The following SORCS3 variants were observed in gnomAD, a reference collection of about 807,000 sequenced individuals.
SORCS3 encodes the protein sortilin related VPS10 domain containing receptor 3.
Under a neutral mutation model 146.3 loss-of-function variants are expected in SORCS3, and 57 were observed. The ratio of observed to expected loss-of-function variants is 0.39; its 90% CI spans 0.31 to 0.49. The LOEUF is 0.49. SORCS3 is among the 20% of genes least tolerant of loss of function. The pLI, the probability that SORCS3 is intolerant of heterozygous loss-of-function variation, is 0.92. For missense variants in SORCS3, 1,341 were observed against 1,575.5 expected, an observed-to-expected ratio of 0.85 and a Z score of 2.52; for synonymous variants, 653 against 618.5, an observed-to-expected ratio of 1.06 and a Z score of -0.83.
chr10:105,115,912 G>A (rs186623636), intron 7 of SORCS3, among the ~76,000 whole-genome samples: 3 of 152,252 alleles, frequency 2.0e-5, no homozygotes, highest in East Asian at 3.9e-4. Context: ...TTTACAACAC[G>A]GGAGTTTAAA....
intron 13 of SORCS3, among the ~76,000 whole-genome samples, chr10:105,169,605 G>T (rs1395538739): frequency 6.6e-6 from 1 of 152,094 alleles, no homozygotes; most frequent in East Asian, 1.9e-4. Flanking sequence ...CTATTTGATT[G>T]AGACCAAAAA....
intron 8 of SORCS3, 47 bp downstream of exon 8, chr10:105,139,533 AG>A (rs1410073236): frequency 1.4e-6 from 2 of 1,428,568 alleles, no homozygotes; most frequent in Non-Finnish European, 2.0e-6. Flanking sequence ...AGGCAAAGGG[AG>A]GGTTGGAGAG....
chr10:105,214,385 CA>C, intron 17 of SORCS3, 56 bp from the exon 18 acceptor site: 2 of 1,588,468 alleles, frequency 1.3e-6, no homozygotes, highest in Non-Finnish European at 1.7e-6. Context: ...CACACACATA[CA>C]ACAGCAACAA....
Position 105,089,758 on chromosome 10 carries a change from C to G in SORCS3, c.1029-17C>G, listed in dbSNP as rs2055688524. 1 of 1,612,664 alleles carries G rather than the reference C, an allele frequency of 6.2e-7. No homozygotes were observed. The highest frequency in any genetic ancestry group is 8.5e-7 in the Non-Finnish European group (1 of 1,178,922). On this transcript the variant is annotated splice_polypyrimidine_tract_variant and intron_variant, in intron 5 of 26. Coordinates refer to ENST00000369701, the MANE Select transcript of SORCS3 (RefSeq NM_014978.3). ...CGGTGTTGTCACTGAGCTTCTGTCT[C>G]TCCCTTCCTTTCCCAGGTCGGTGGC...
At chr10:105,103,965 A>C (rs1399417753) in intron 6 of SORCS3, among the ~76,000 whole-genome samples, 1 of 152,216 alleles carries the variant, frequency 6.6e-6, no homozygotes, top group Non-Finnish European at 1.5e-5. Flanking sequence ...CTAGTACCCA[A>C]ACAATACCCA....
chr10:105,262,442 T>C lies in SORCS3; in HGVS notation c.3555T>C (p.Phe1185=). Residue 1185 remains phenylalanine (F), a synonymous_variant, in exon 26 of 27, where the codon TTT becomes TTC. Transcript: ENST00000369701. ...CCCCCAAAATCACACTCAGTGACTT[T>C]ACGGAGCCTGAGGAGCTGCTGGACA... The part of the protein sequence containing the change: ...ENAPKITLSD[F]TEPEELLDKE... The C allele has an allele frequency of 1.2e-6, 2 of 1,614,026 alleles. No homozygotes were observed. The highest frequency in any genetic ancestry group is 1.3e-5 in the African/African-American group (1 of 75,050).
chr10:105,061,313 G>C (rs1301733379), intron 5 of SORCS3, among the ~76,000 whole-genome samples: 7 of 99,838 alleles, frequency 7.0e-5, no homozygotes, highest in Non-Finnish European at 8.0e-5. Context: ...TTTTTTTTTT[G>C]AGGTGGAGTC....
intron 4 of SORCS3, among the ~76,000 whole-genome samples, chr10:104,994,099 A>C (rs2133665616): frequency 6.6e-6 from 1 of 152,348 alleles, no homozygotes; most frequent in East Asian, 1.9e-4. Context: ...CAAATGAAGT[A>C]CATGATACTC....
chr10:105,017,596 T>G (rs1224416345), intron 4 of SORCS3, among the ~76,000 whole-genome samples: 1 of 152,142 alleles, frequency 6.6e-6, no homozygotes, highest in Admixed American at 6.6e-5. Context: ...AAATAGAATA[T>G]GGAGATAGAG....
intron 1 of SORCS3, among the ~76,000 whole-genome samples, chr10:104,787,835 T>C (rs539623830): frequency 7.2e-5 from 11 of 152,302 alleles, no homozygotes; most frequent in Admixed American, 5.9e-4. Flanking sequence ...GAAATTACAA[T>C]TGTAACCAGG....
chr10:104,911,821 C>G (rs2018971896), intron 2 of SORCS3, among the ~76,000 whole-genome samples: 1 of 152,130 alleles, frequency 6.6e-6, no homozygotes, highest in Non-Finnish European at 1.5e-5. Context: ...AATTTTTTAA[C>G]AAGAATCCTT....
chr10:105,214,470 A>G lies in SORCS3; in HGVS notation c.2404A>G (p.Thr802Ala). ...TCGGCGGATTGTGTCCAACAACTGC[A>G]CAGATGGGCTAAGGGAGAAGTACAC... ...GYRRIVSNNC[T>A]DGLREKYTAK... Residue 802 changes from threonine to alanine, a missense_variant, in exon 18 of 27, where the codon ACA (threonine) becomes GCA (alanine). Coordinates refer to ENST00000369701, the MANE Select transcript of SORCS3 (RefSeq NM_014978.3). The G allele has an allele frequency of 6.2e-7, 1 of 1,614,212 alleles. No individual in the cohort carries two copies.
chr10:104,726,693 T>C (rs1253551289), intron 1 of SORCS3, among the ~76,000 whole-genome samples: 1 of 152,080 alleles, frequency 6.6e-6, no homozygotes, highest in African/African-American at 2.4e-5. Flanking sequence ...CTCTCTGTTG[T>C]CACTGGGACT....
chr10:105,129,662 T>TACACACACACACACAC (rs71022754), intron 7 of SORCS3, among the ~76,000 whole-genome samples: 2 of 147,918 alleles, frequency 1.4e-5, no homozygotes, highest in South Asian at 4.4e-4. Context: ...CCCACTCAAA[T>TACACACACACACACAC]ACACACACAC....
intron 3 of SORCS3, among the ~76,000 whole-genome samples, chr10:104,917,723 C>CGTGAGATCA (rs1328310578): frequency 6.6e-6 from 1 of 152,120 alleles, no homozygotes; most frequent in Non-Finnish European, 1.5e-5. Context: ...TCCACATATG[C>CGTGAGATCA]GTGAGATCAA....
intron 1 of SORCS3, chr10:104,822,087 G>A (rs748037097): frequency 3.5e-5 from 18 of 518,246 alleles, no homozygotes; most frequent in African/African-American, 5.8e-5. Flanking sequence ...TAGTCCTGGA[G>A]TCTGACCAGC....
At chr10:105,258,641 T>C (rs1172133392) in intron 25 of SORCS3, among the ~76,000 whole-genome samples, 1 of 152,208 alleles carries the variant, frequency 6.6e-6, no homozygotes, top group East Asian at 1.9e-4. Flanking sequence ...TTTTTTTGTT[T>C]TGTTTTCTTT....
At chr10:104,662,856 A>T (rs147442148) in intron 1 of SORCS3, among the ~76,000 whole-genome samples, 51 of 152,322 alleles carry the variant, frequency 3.3e-4, no homozygotes, top group African/African-American at 1.2e-3. Context: ...TGTTATTTTT[A>T]TAGGCACTGG....
In SORCS3 at chr10:105,263,299, C is replaced by T; in HGVS notation, c.3605-11C>T. 3 of 1,613,814 alleles carry T rather than the reference C, an allele frequency of 1.9e-6. No homozygotes were observed. The highest frequency in any genetic ancestry group is 2.5e-6 in the Non-Finnish European group (3 of 1,179,782). On this transcript the variant is annotated splice_polypyrimidine_tract_variant and intron_variant, in intron 26 of 26. Coordinates refer to ENST00000369701, the MANE Select transcript of SORCS3 (RefSeq NM_014978.3). Reference sequence around the variant, plus strand: ...ACATCCATTTCTCCCTGTGTCTTCTCTTCTCTGCAGGAGGCATTGCCACTA... The same window carrying T: ...ACATCCATTTCTCCCTGTGTCTTCTTTTCTCTGCAGGAGGCATTGCCACTA...
Sources: gnomAD v4.1 joint callset for allele counts (sites outside exome capture counted in the v4.1 genomes callset) on GRCh38, gnomAD v4.1.1 for gene constraint, MANE v1.5 for transcripts, NCBI Gene and HGNC (gene_info 2026-07-23, HGNC 2026-07-21) for gene names.